PIK3CB: variants seen among roughly 807,000 people sequenced by gnomAD.
The protein encoded by PIK3CB is phosphatidylinositol-4,5-bisphosphate 3-kinase catalytic subunit beta, also known as phosphatidylinositol 4,5-bisphosphate 3-kinase catalytic subunit beta isoform.
A neutral mutation model predicts 136.8 loss-of-function variants in PIK3CB; 39 were observed. The observed-to-expected ratio is 0.29, with a 90% CI of 0.22 to 0.37. The LOEUF (loss-of-function observed/expected upper bound fraction) is 0.37. PIK3CB is among the 10% of genes least tolerant of loss of function. The probability of loss-of-function intolerance (pLI) is 1.00; values close to 1 mark genes in which losing one functional copy is unlikely to be tolerated. For synonymous variants in PIK3CB, 428 were observed against 436.6 expected, an observed-to-expected ratio of 0.98 and a Z score of 0.25; for missense variants, 868 against 1,275.4, an observed-to-expected ratio of 0.68 and a Z score of 4.87.
intron 4 of PIK3CB, among the ~76,000 whole-genome samples, chr3:138,753,017 C>T (rs1330479520): frequency 6.6e-6 from 1 of 152,048 alleles, no homozygotes; most frequent in African/African-American, 2.4e-5. Flanking sequence ...CTTGAAGAAA[C>T]TTGGCCCACA....
intron 1 of PIK3CB, among the ~76,000 whole-genome samples, chr3:138,816,595 AAAATAAATAAATAAATAAAT>A (rs4035076): frequency 6.8e-6 from 1 of 146,386 alleles, no homozygotes; most frequent in South Asian, 2.2e-4. Flanking sequence ...AGTTTGTCTC[AAAATAAATAAATAAATAAAT>A]AAATAAATAA....
At chr3:138,697,619 G>C (rs969419291) in intron 13 of PIK3CB, among the ~76,000 whole-genome samples, 2 of 152,082 alleles carry the variant, frequency 1.3e-5, no homozygotes, top group African/African-American at 2.4e-5. Flanking sequence ...TTGTTGTAGA[G>C]ACAAGGTTTT....
At chr3:138,696,981 C>T (rs1364469505) in intron 13 of PIK3CB, among the ~76,000 whole-genome samples, 1 of 152,084 alleles carries the variant, frequency 6.6e-6, no homozygotes, top group Non-Finnish European at 1.5e-5. Context: ...AACAACTCTA[C>T]CATTGGAAAG....
chr3:138,786,592 C>T (rs1172484859), intron 2 of PIK3CB, among the ~76,000 whole-genome samples: 1 of 152,064 alleles, frequency 6.6e-6, no homozygotes. Context: ...GTCATCCACC[C>T]ACCTCGGCCT....
chr3:138,665,425 T>C (rs1453653270), intron 19 of PIK3CB, among the ~76,000 whole-genome samples: 1 of 152,226 alleles, frequency 6.6e-6, no homozygotes, highest in Non-Finnish European at 1.5e-5. Flanking sequence ...CAATTACATA[T>C]AAAATTTTTT....
intron 1 of PIK3CB, among the ~76,000 whole-genome samples, chr3:138,819,350 A>T (rs1933463150): frequency 6.6e-6 from 1 of 151,416 alleles, no homozygotes; most frequent in Non-Finnish European, 1.5e-5. Context: ...CCGTCTCCAA[A>T]AAAAAAAAAA....
At chr3:138,741,666 A>G (rs2045247892) in intron 5 of PIK3CB, among the ~76,000 whole-genome samples, 1 of 152,092 alleles carries the variant, frequency 6.6e-6, no homozygotes, top group Non-Finnish European at 1.5e-5. Context: ...CATCTCTACT[A>G]AAAATACAAA....
At chr3:138,677,266 T>C (rs1037714314) in intron 19 of PIK3CB, among the ~76,000 whole-genome samples, 1 of 151,946 alleles carries the variant, frequency 6.6e-6, no homozygotes, top group Non-Finnish European at 1.5e-5. Flanking sequence ...ACCATGTTTG[T>C]CAGGCTGGTC....
At chr3:138,680,090 C>T (rs181960319) in intron 19 of PIK3CB, among the ~76,000 whole-genome samples, 330 of 151,822 alleles carry the variant, frequency 2.2e-3, no homozygotes, top group South Asian at 3.3e-3. Context: ...CAGGGGGCGG[C>T]GACTCACGCC....
intron 2 of PIK3CB, among the ~76,000 whole-genome samples, chr3:138,793,498 C>T (rs1050882807): frequency 1.3e-5 from 2 of 151,602 alleles, no homozygotes; most frequent in East Asian, 1.9e-4. Context: ...TGCAGCTACT[C>T]GGGAAGCTGA....
At position 138,728,446 on chromosome 3, in the gene PIK3CB, A is replaced by T. The variant is rs116605411; in HGVS notation, c.1050+4915T>A. 3.8e-3 allele frequency among the ~76,000 whole-genome samples: 582 copies of T among 152,316 alleles called. 5 individuals carry two copies. Among genetic ancestry groups the T allele is most frequent in the African/African-American group, 0.013 (559 of 41,580 alleles). On this transcript the variant is annotated intron_variant, in intron 8 of 23. Coordinates refer to ENST00000674063, the MANE Select transcript of PIK3CB (RefSeq NM_006219.3). ...AGGCTAACACATCTTGACCGAGTGA[A>T]CATTATTTCAGAAAAGTAAGGTTGG...
At chr3:138,739,916 AAAAAT>A (rs2045205280) in intron 5 of PIK3CB, among the ~76,000 whole-genome samples, 1 of 150,730 alleles carries the variant, frequency 6.6e-6, no homozygotes, top group African/African-American at 2.4e-5. Context: ...TAAAAAAAAA[AAAAAT>A]AAAAGAGACC....
intron 1 of PIK3CB, among the ~76,000 whole-genome samples, chr3:138,798,559 G>A (rs766487956): frequency 5.3e-5 from 8 of 152,176 alleles, no homozygotes; most frequent in Non-Finnish European, 1.0e-4. Context: ...GTGGAGCATT[G>A]GAGGAATGGT....
intron 11 of PIK3CB, among the ~76,000 whole-genome samples, chr3:138,705,192 A>AAAAAAAAAAAAT (rs1559828803): frequency 7.2e-6 from 1 of 138,314 alleles, no homozygotes; most frequent in African/African-American, 2.7e-5. Flanking sequence ...AAAACAAACA[A>AAAAAAAAAAAAT]AAAAAAAAAC....
chr3:138,795,384 A>G (rs980658625), intron 2 of PIK3CB, among the ~76,000 whole-genome samples: 2 of 150,340 alleles, frequency 1.3e-5, no homozygotes, highest in African/African-American at 4.9e-5. Context: ...CCCACCCAGC[A>G]CTTTGGGAGG....
intron 1 of PIK3CB, chr3:138,826,421 T>C (rs1933782744): frequency 9.2e-7 from 1 of 1,091,604 alleles, no homozygotes; most frequent in Non-Finnish European, 1.3e-6. Context: ...TTAGGTTTAA[T>C]AGTAAATGAC....
chr3:138,767,302 T>C (rs1334889200), intron 2 of PIK3CB, among the ~76,000 whole-genome samples: 1 of 152,224 alleles, frequency 6.6e-6, no homozygotes, highest in Non-Finnish European at 1.5e-5. Flanking sequence ...TACTTCAGGA[T>C]GTTTGATTAT....
intron 10 of PIK3CB, among the ~76,000 whole-genome samples, chr3:138,710,318 C>CAG (rs1044971890): frequency 6.6e-5 from 10 of 152,082 alleles, no homozygotes; most frequent in African/African-American, 2.4e-4. Context: ...CACACACACA[C>CAG]TATTAGATTG....
intron 10 of PIK3CB, among the ~76,000 whole-genome samples, chr3:138,711,579 CAAAAAAA>C (rs139989947): frequency 3.0e-5 from 2 of 67,540 alleles, no homozygotes; most frequent in Admixed American, 4.4e-4. Flanking sequence ...AACTCCGTCG[CAAAAAAA>C]AAAAAAAAAA....
Sources: gnomAD v4.1 joint callset for allele counts (sites outside exome capture counted in the v4.1 genomes callset) on GRCh38, gnomAD v4.1.1 for gene constraint, MANE v1.5 for transcripts, NCBI Gene and HGNC (gene_info 2026-07-23, HGNC 2026-07-21) for gene names.